KANSL1L: variants seen among roughly 807,000 people sequenced by gnomAD.
KANSL1L encodes the protein KAT8 regulatory NSL complex subunit 1-like protein.
Under a neutral mutation model 108.6 loss-of-function variants are expected in KANSL1L, and 25 were observed. The observed-to-expected ratio is 0.23, with a 90% CI of 0.17 to 0.32. The LOEUF (loss-of-function observed/expected upper bound fraction) is 0.32, where lower values mean the gene tolerates loss of function less well. Ranked by LOEUF, KANSL1L falls within the 10% of genes least tolerant of loss-of-function variation. KANSL1L has a pLI of 1.00. For missense variants in KANSL1L, 1,137 were observed against 1,125.7 expected (o/e 1.01, Z -0.14); for synonymous variants, 405 against 395.1 (o/e 1.03, Z -0.30).
intron 4 of KANSL1L, among the ~76,000 whole-genome samples, chr2:210,103,782 T>C (rs920000777): frequency 6.6e-6 from 1 of 152,162 alleles, no homozygotes; most frequent in African/African-American, 2.4e-5. Flanking sequence ...ACTGGTACAA[T>C]TGTTCTCTCT....
chr2:210,116,311 C>A (rs1044109323), intron 3 of KANSL1L, among the ~76,000 whole-genome samples: 1 of 152,092 alleles, frequency 6.6e-6, no homozygotes, highest in Non-Finnish European at 1.5e-5. Context: ...TAGACCCACC[C>A]GGGGCTGGGG....
chr2:210,048,254 C>T (rs77344357), intron 6 of KANSL1L, among the ~76,000 whole-genome samples: 5,228 of 152,294 alleles, frequency 0.034, 137 homozygotes, highest in Admixed American at 0.061. Flanking sequence ...GCCAGAGCTT[C>T]AGGGTAATAG....
At chr2:210,047,355 G>C (rs761716256) in intron 6 of KANSL1L, among the ~76,000 whole-genome samples, 1 of 152,164 alleles carries the variant, frequency 6.6e-6, no homozygotes, top group African/African-American at 2.4e-5. Context: ...AACCAGGTTG[G>C]TCCTTCAGCA....
upstream of KANSL1L, among the ~76,000 whole-genome samples, chr2:210,172,059 C>G (rs925745884): frequency 6.6e-6 from 1 of 151,532 alleles, no homozygotes; most frequent in African/African-American, 2.4e-5. Flanking sequence ...TGGCGCTGGA[C>G]CTAACTCCCC....
chr2:210,107,035 A>G (rs958747703), intron 3 of KANSL1L, among the ~76,000 whole-genome samples: 1 of 152,160 alleles, frequency 6.6e-6, no homozygotes, highest in African/African-American at 2.4e-5. Flanking sequence ...AAGACAAAAA[A>G]TATTTTTAGA....
chr2:210,160,138 C>A (rs2095354279), intron 1 of KANSL1L, among the ~76,000 whole-genome samples: 1 of 152,150 alleles, frequency 6.6e-6, no homozygotes, highest in South Asian at 2.1e-4. Flanking sequence ...AATTCAATAT[C>A]CATTCATGAG....
intron 5 of KANSL1L, among the ~76,000 whole-genome samples, chr2:210,093,758 A>ATTT (rs2094712601): frequency 6.6e-6 from 1 of 152,176 alleles, no homozygotes; most frequent in African/African-American, 2.4e-5. Flanking sequence ...AAAAGCAGGG[A>ATTT]CTCAAACAGA....
rs1489493817 is a variant in KANSL1L, at chr2:210,023,052, G to A, written c.2861C>T (p.Thr954Ile). Reference sequence around the variant, plus strand: ...ATGGTGGCCATTCTCTGGTACACTGGTACCGAAGATTTCACCATGGAAAGC... The same window carrying A: ...ATGGTGGCCATTCTCTGGTACACTGATACCGAAGATTTCACCATGGAAAGC... ...STAFHGEIFGTSVPENGHHPK... is the reference protein window; with the variant it reads ...STAFHGEIFGISVPENGHHPK... The change falls in exon 15 of 15, where the codon ACC (threonine) becomes ATC (isoleucine). Residue 954 changes from threonine (T) to isoleucine (I), a missense_variant. By Grantham distance (89) the Thr-to-Ile change is moderately conservative. Around this residue, in one of 3 missense-constraint regions of KANSL1L, gnomAD observed 575 missense variants for 567.1 expected, o/e 1.01. Coordinates refer to ENST00000281772, the MANE Select transcript of KANSL1L (RefSeq NM_152519.4). The A allele has an allele frequency of 6.2e-7, 1 of 1,613,708 alleles. No homozygotes were observed. The highest frequency in any genetic ancestry group is 1.7e-5 in the Admixed American group (1 of 59,988).
chr2:210,154,331 T>A lies in KANSL1L; in HGVS notation c.252A>T (p.Arg84Ser), dbSNP rs1480876320. 1.2e-6 allele frequency: 2 copies of A among 1,611,252 alleles called. No homozygotes were observed. Among genetic ancestry groups the A allele is most frequent in the African/African-American group, 2.7e-5 (2 of 74,766 alleles). The change falls in exon 2 of 15, where the codon AGA becomes AGT. Residue 84 changes from arginine (R) to serine (S), a missense_variant. By Grantham distance (110) the Arg-to-Ser change is moderately radical. Coordinates refer to ENST00000281772, the MANE Select transcript of KANSL1L (RefSeq NM_152519.4). ...SKHYQTVFLM[R>S]SNSTLNKHNE... The stretch of plus-strand genomic sequence containing the variant: ...TGTGTTTATTTAATGTAGAATTAGA[T>A]CTCATTAAAAAAACAGTCTGGTAAT...
intron 8 of KANSL1L, among the ~76,000 whole-genome samples, chr2:210,037,273 C>T (rs1193359143): frequency 1.3e-5 from 2 of 151,926 alleles, no homozygotes; most frequent in East Asian, 1.9e-4. Context: ...TATAACATTC[C>T]GTGATTAGAA....
chr2:210,134,539 C>G (rs2095156617), intron 2 of KANSL1L, among the ~76,000 whole-genome samples: 1 of 152,054 alleles, frequency 6.6e-6, no homozygotes, highest in Non-Finnish European at 1.5e-5. Flanking sequence ...GAATTCTGTT[C>G]TGACAGGTTA....
chr2:210,071,648 C>A (rs949797116), intron 6 of KANSL1L, among the ~76,000 whole-genome samples: 26 of 152,136 alleles, frequency 1.7e-4, no homozygotes, highest in African/African-American at 6.0e-4. Flanking sequence ...CTAATTGCAT[C>A]TTTAATGACC....
intron 10 of KANSL1L, among the ~76,000 whole-genome samples, chr2:210,029,590 AG>A: frequency 6.6e-6 from 1 of 152,230 alleles, no homozygotes; most frequent in African/African-American, 2.4e-5. Flanking sequence ...ACACATAAAA[AG>A]AAGCTATAAC....
chr2:210,172,044 T>A (rs571908827), upstream of KANSL1L, among the ~76,000 whole-genome samples: 1 of 151,584 alleles, frequency 6.6e-6, no homozygotes, highest in South Asian at 2.1e-4. Flanking sequence ...CAAATCTGGT[T>A]TGAGTGGCGC....
At chr2:210,080,283 T>A (rs571628499) in intron 5 of KANSL1L, 1 of 152,312 alleles carries the variant, frequency 6.6e-6, no homozygotes, top group South Asian at 2.1e-4. Context: ...TTGCCTCATC[T>A]TGCATGATGC....
intron 6 of KANSL1L, chr2:210,063,739 C>A (rs755311699): frequency 5.3e-5 from 8 of 152,112 alleles, no homozygotes; most frequent in Middle Eastern, 3.2e-3. Flanking sequence ...ATGACTGTAC[C>A]CTCATTGTAT....
chr2:210,144,817 T>G (rs2095254339), intron 2 of KANSL1L, among the ~76,000 whole-genome samples: 1 of 152,222 alleles, frequency 6.6e-6, no homozygotes, highest in Non-Finnish European at 1.5e-5. Context: ...ATAGATCTTC[T>G]ATTTCTTTAG....
At chr2:210,155,968 A>C (rs2095330923) in intron 1 of KANSL1L, among the ~76,000 whole-genome samples, 1 of 152,188 alleles carries the variant, frequency 6.6e-6, no homozygotes, top group South Asian at 2.1e-4. Flanking sequence ...AAAATGATCA[A>C]GAAGAAAATA....
At chr2:210,141,162 CTG>C (rs76590997) in intron 2 of KANSL1L, among the ~76,000 whole-genome samples, 59,050 of 142,468 alleles carry the variant, frequency 0.41, 13,251 homozygotes, top group Middle Eastern at 0.56. Flanking sequence ...CCACTCCTCT[CTG>C]TTTTCTTTCT....
Sources: gnomAD v4.1 joint callset for allele counts (sites outside exome capture counted in the v4.1 genomes callset) on GRCh38, gnomAD v4.1.1 for gene constraint, gnomAD v4.1.1 regional missense constraint, MANE v1.5 for transcripts, NCBI Gene and HGNC (gene_info 2026-07-23, HGNC 2026-07-21) for gene names.